Variants in SOX6 observed in about 807,000 individuals in gnomAD.
SOX6 encodes transcription factor SOX-6.
A neutral mutation model predicts 97.8 loss-of-function variants in SOX6; 11 were observed. That is an observed-to-expected ratio of 0.11 (90% confidence interval 0.07 to 0.19). The LOEUF is 0.19. Ranked by LOEUF, SOX6 falls within the 10% of genes least tolerant of loss-of-function variation. SOX6 has a pLI of 1.00. For missense variants in SOX6, 810 were observed against 1,039.5 expected (o/e 0.78, Z 3.04); for synonymous variants, 360 against 371.4 (o/e 0.97, Z 0.35).
chr11:16,588,027 G>A (rs1485321432), intron 4 of SOX6, among the ~76,000 whole-genome samples: 1 of 152,212 alleles, frequency 6.6e-6, no homozygotes, highest in Admixed American at 6.5e-5. Context: ...CTCTCCAGGA[G>A]CACACTATGG....
rs561831324 is a variant in SOX6, at chr11:16,013,797, A to G, written c.1732+1145T>C. Among the ~76,000 whole-genome samples, 194 of 152,104 alleles carry G rather than the reference A, an allele frequency of 1.3e-3. No homozygotes were observed. In the South Asian group the frequency reaches 0.015, roughly 12 times the overall value. On this transcript the variant is annotated intron_variant, in intron 13 of 15. Transcript: ENST00000683767. The stretch of plus-strand genomic sequence containing the variant: ...GAAGGGCTTCCTAATGTCTAATACT[A>G]TTCATCTCTGAGTCCTCATTCCAGG...
At chr11:16,552,212 G>A (rs1847696810) in intron 4 of SOX6, among the ~76,000 whole-genome samples, 1 of 151,948 alleles carries the variant, frequency 6.6e-6, no homozygotes, top group South Asian at 2.1e-4. Flanking sequence ...AAACACAGGA[G>A]TTAAGTGTTC....
At chr11:16,500,012 G>T (rs924599443) in intron 4 of SOX6, among the ~76,000 whole-genome samples, 4 of 152,260 alleles carry the variant, frequency 2.6e-5, no homozygotes, top group African/African-American at 4.8e-5. Flanking sequence ...AACAAAAAAA[G>T]AGAATTTTAG....
chr11:15,994,843 G>A (rs1442138127), intron 13 of SOX6, among the ~76,000 whole-genome samples: 2 of 151,988 alleles, frequency 1.3e-5, no homozygotes, highest in Non-Finnish European at 2.9e-5. Flanking sequence ...TATAAACTCT[G>A]AACAAAATAT....
At chr11:16,709,041 T>C (rs1848157364) in intron 3 of SOX6, among the ~76,000 whole-genome samples, 1 of 152,192 alleles carries the variant, frequency 6.6e-6, no homozygotes, top group East Asian at 1.9e-4. Context: ...AGGTGGCATC[T>C]TGTACAACTC....
chr11:16,258,272 C>T (rs1391874504), intron 3 of SOX6, among the ~76,000 whole-genome samples: 4 of 151,974 alleles, frequency 2.6e-5, no homozygotes, highest in African/African-American at 9.7e-5. Context: ...TTTATAGCAG[C>T]TTCATTCATA....
At chr11:16,437,744 T>C (rs4756851) in intron 1 of SOX6, among the ~76,000 whole-genome samples, 30,831 of 152,206 alleles carry the variant, frequency 0.2, 3,378 homozygotes, top group Admixed American at 0.32. Flanking sequence ...GTAAACTACA[T>C]AATATGGGGA....
chr11:16,591,394 G>A (rs1355328406), intron 4 of SOX6, among the ~76,000 whole-genome samples: 2 of 149,536 alleles, frequency 1.3e-5, no homozygotes, highest in East Asian at 3.9e-4. Context: ...AGATAATTAG[G>A]TATATACATA....
chr11:16,623,731 T>C (rs1481958412), intron 3 of SOX6, among the ~76,000 whole-genome samples: 1 of 152,212 alleles, frequency 6.6e-6, no homozygotes, highest in African/African-American at 2.4e-5. Context: ...CTTGAGTTGA[T>C]TTTTGTATAA....
At chr11:16,524,149 A>C (rs1323884777) in intron 4 of SOX6, among the ~76,000 whole-genome samples, 3 of 152,352 alleles carry the variant, frequency 2.0e-5, no homozygotes, top group Non-Finnish European at 4.4e-5. Flanking sequence ...TCATCCTGAT[A>C]CCAAAGTCGG....
In SOX6 at chr11:16,138,275, T is replaced by C. The variant is rs528524360; in HGVS notation, c.778-26352A>G. ...TACAACAACACTATTCAGTGGGGCA[T>C]CATTTTGCCCCTTTACAGTCTAAAT... On this transcript the variant is annotated intron_variant, in intron 6 of 15. Transcript: ENST00000683767. Among the ~76,000 whole-genome samples, 6 of 152,346 alleles carry C rather than the reference T, an allele frequency of 3.9e-5. No individual in the cohort carries two copies. In the South Asian group the frequency reaches 1.2e-3, roughly 32 times the overall value.
chr11:15,985,166 C>T (rs896246009), intron 15 of SOX6, among the ~76,000 whole-genome samples: 1 of 152,196 alleles, frequency 6.6e-6, no homozygotes, highest in African/African-American at 2.4e-5. Context: ...TCCTTTTAAA[C>T]ACATGCTCTG....
intron 3 of SOX6, among the ~76,000 whole-genome samples, chr11:16,648,988 A>T (rs908717696): frequency 2.0e-5 from 3 of 152,166 alleles, no homozygotes; most frequent in African/African-American, 7.2e-5. Flanking sequence ...GAAAGTTTCA[A>T]CAATAGACTA....
intron 9 of SOX6, among the ~76,000 whole-genome samples, chr11:16,062,087 C>T (rs1197531708): frequency 1.3e-5 from 2 of 151,702 alleles, no homozygotes; most frequent in African/African-American, 4.8e-5. Flanking sequence ...AATAATCAAT[C>T]AACAGAATGA....
At chr11:16,219,689 A>G (rs151064929) in intron 4 of SOX6, among the ~76,000 whole-genome samples, 8 of 152,182 alleles carry the variant, frequency 5.3e-5, no homozygotes, top group Admixed American at 5.2e-4. Context: ...CACATATTTT[A>G]TTAAGTGGTT....
intron 7 of SOX6, among the ~76,000 whole-genome samples, chr11:16,102,244 G>A (rs1712256341): frequency 6.6e-6 from 1 of 151,762 alleles, no homozygotes; most frequent in Non-Finnish European, 1.5e-5. Context: ...CAGTGACCAA[G>A]CTGAGAATCA....
At chr11:16,120,474 T>C (rs974810188) in intron 6 of SOX6, among the ~76,000 whole-genome samples, 1 of 151,820 alleles carries the variant, frequency 6.6e-6, no homozygotes, top group East Asian at 1.9e-4. Context: ...CAAGATGTTA[T>C]AGTTTAAAAG....
upstream of SOX6, among the ~76,000 whole-genome samples, chr11:16,359,305 G>T (rs1470348774): frequency 6.6e-6 from 1 of 152,062 alleles, no homozygotes; most frequent in Non-Finnish European, 1.5e-5. Flanking sequence ...CTGAACTATG[G>T]AGTGCATGGT....
At position 16,058,437 on chromosome 11, in the gene SOX6, T is replaced by C. The variant is rs566621169; in HGVS notation, c.1102-2536A>G. Among the ~76,000 whole-genome samples, 6 of 152,216 alleles carry C rather than the reference T, an allele frequency of 3.9e-5. No individual in the cohort carries two copies. The East Asian group carries it at 9.7e-4, about 25-fold the overall frequency. On this transcript the variant is annotated intron_variant, in intron 9 of 15. Transcript: ENST00000683767. ...AAGTGTCTGGTATTCATTGGCTGTT[T>C]GTTCATATATAACAGCAACGTTCTA... is the stretch of plus-strand genomic sequence containing the variant.
Sources: gnomAD v4.1 joint callset for allele counts (sites outside exome capture counted in the v4.1 genomes callset) on GRCh38, gnomAD v4.1.1 for gene constraint, MANE v1.5 for transcripts, NCBI Gene and HGNC (gene_info 2026-07-23, HGNC 2026-07-21) for gene names.